Variants in MYO1H observed in about 807,000 individuals in gnomAD.
The protein encoded by MYO1H is myosin IH.
A neutral mutation model predicts 149.3 loss-of-function variants in MYO1H; 118 were observed. The ratio of observed to expected loss-of-function variants is 0.79; its 90% CI spans 0.68 to 0.92. The LOEUF (loss-of-function observed/expected upper bound fraction) is 0.92, where lower values mean the gene tolerates loss of function less well. MYO1H is among the 40% of genes least tolerant of loss of function. The pLI is 0.00. For missense variants in MYO1H, 1,212 were observed against 1,280.7 expected (o/e 0.95, Z 0.82); for synonymous variants, 447 against 465.2 (o/e 0.96, Z 0.50).
Position 109,443,052 on chromosome 12 carries a change from A to G in MYO1H, c.2689-462A>G, listed in dbSNP as rs372776336. The stretch of plus-strand genomic sequence containing the variant: ...TATGTGTGTGTGTGTGTGTGTATAT[A>G]TGTGTACGTATGTGTGTATATATGT... On this transcript the variant is annotated intron_variant, in intron 27 of 31. Coordinates refer to ENST00000310903, the Ensembl canonical transcript of MYO1H. 3.7e-3 allele frequency among the ~76,000 whole-genome samples: 163 copies of G among 43,850 alleles called. 2 individuals are homozygous for G. The highest frequency in any genetic ancestry group is 4.7e-3 in the Non-Finnish European group (94 of 19,814). 28.8% of individuals were successfully genotyped at this position (43,850 alleles called of 152,430 possible).
exon 18 of MYO1H, chr12:109,426,020 T>C: frequency 6.2e-7 from 1 of 1,613,802 alleles, no homozygotes; most frequent in Non-Finnish European, 8.5e-7. Flanking sequence ...CCTACATCCG[T>C]TGCATCAAGC....
chr12:109,425,928 T>TTC lies in MYO1H; in HGVS notation c.1726-6_1726-5dup. The TTC allele has an allele frequency of 9.3e-6, 13 of 1,404,096 alleles. No homozygotes were observed. The highest frequency in any genetic ancestry group is 1.4e-5 in the African/African-American group (1 of 69,742). 87.0% of individuals were successfully genotyped at this position (1,404,096 alleles called of 1,614,324 possible). The stretch of plus-strand genomic sequence containing the variant: ...TCTCTCTGGCTCGTTCTCTCTCTCT[T>TTC]TCTCTCTCTCTCTGCAGGTGGGGAC... On this transcript the variant is annotated splice_polypyrimidine_tract_variant and intron_variant, in intron 17 of 31. Coordinates refer to ENST00000310903, the Ensembl canonical transcript of MYO1H.
intron 1 of MYO1H, among the ~76,000 whole-genome samples, chr12:109,380,849 G>A (rs1869189209): frequency 6.6e-6 from 1 of 152,154 alleles, no homozygotes; most frequent in Admixed American, 6.5e-5. Flanking sequence ...GGGAGGCTGA[G>A]GCAGGAGAAT....
At chr12:109,392,412 A>G (rs1040868570) in intron 2 of MYO1H, among the ~76,000 whole-genome samples, 4 of 152,156 alleles carry the variant, frequency 2.6e-5, no homozygotes, top group African/African-American at 9.7e-5. Context: ...AGCTCTGCTC[A>G]GGTGTCACCT....
the MYO1H span, among the ~76,000 whole-genome samples, chr12:109,340,152 AT>A: frequency 6.6e-6 from 1 of 152,194 alleles, no homozygotes; most frequent in Non-Finnish European, 1.5e-5. Context: ...TACCTACAGT[AT>A]CACACACCTG....
chr12:109,362,020 G>A (rs907279897), intron 1 of MYO1H, among the ~76,000 whole-genome samples: 3 of 152,018 alleles, frequency 2.0e-5, no homozygotes, highest in African/African-American at 7.2e-5. Context: ...GCAGCCATGG[G>A]AGTCATTAAT....
chr12:109,402,659 A>C (rs1327198652), intron 6 of MYO1H, among the ~76,000 whole-genome samples: 5 of 152,192 alleles, frequency 3.3e-5, no homozygotes, highest in Non-Finnish European at 7.4e-5. Context: ...AAAAGAAAGA[A>C]TCTCATAATC....
intron 6 of MYO1H, among the ~76,000 whole-genome samples, chr12:109,403,722 A>T (rs531818647): frequency 1.3e-5 from 2 of 152,386 alleles, no homozygotes; most frequent in East Asian, 3.8e-4. Context: ...GTTTAAAAAC[A>T]CATACAAAAA....
chr12:109,438,469 T>C, intron 22 of MYO1H, 67 bp from the exon 23 acceptor site: 2 of 1,289,938 alleles, frequency 1.6e-6, no homozygotes, highest in South Asian at 1.3e-5. Context: ...CAAAGCCTTC[T>C]GGAAAAGCCT....
chr12:109,401,264 C>A (rs1275378430), exon 6 of MYO1H: 2 of 1,610,538 alleles, frequency 1.2e-6, no homozygotes, highest in Non-Finnish European at 1.7e-6. Context: ...GTATAAATAC[C>A]TCTCACAGGT....
chr12:109,323,818 C>A, the MYO1H span, among the ~76,000 whole-genome samples: 2 of 152,072 alleles, frequency 1.3e-5, no homozygotes, highest in African/African-American at 4.8e-5. Context: ...TAATAAACCA[C>A]CCCAAATTTA....
At chr12:109,344,880 G>T (rs1179257279), upstream of MYO1H, among the ~76,000 whole-genome samples, 2 of 152,146 alleles carry the variant, frequency 1.3e-5, no homozygotes, top group Non-Finnish European at 2.9e-5. Flanking sequence ...ATGGGGGAAA[G>T]AATAATTTTT....
At chr12:109,323,950 G>A in the MYO1H span, among the ~76,000 whole-genome samples, 643 of 152,036 alleles carry the variant, frequency 4.2e-3, 4 homozygotes, top group African/African-American at 0.014. Flanking sequence ...AAGCTGAGGC[G>A]GGAGGATTCC....
chr12:109,342,054 A>G, the MYO1H span, among the ~76,000 whole-genome samples: 11 of 149,974 alleles, frequency 7.3e-5, no homozygotes, highest in East Asian at 1.9e-3. Context: ...GCATTTAAAT[A>G]TTTATTTCAT....
chr12:109,403,257 T>A (rs572749195), intron 6 of MYO1H, among the ~76,000 whole-genome samples: 70 of 152,178 alleles, frequency 4.6e-4, no homozygotes, highest in Middle Eastern at 3.4e-3. Context: ...TAAAAAAAAA[T>A]TTTTATATCG....
chr12:109,371,866 C>T (rs551393390), intron 1 of MYO1H, among the ~76,000 whole-genome samples: 2 of 152,166 alleles, frequency 1.3e-5, no homozygotes, highest in African/African-American at 2.4e-5. Flanking sequence ...AAATGAAAAT[C>T]GTATCTCAGT....
chr12:109,436,023 G>T (rs964831272), intron 21 of MYO1H, among the ~76,000 whole-genome samples: 1 of 152,178 alleles, frequency 6.6e-6, no homozygotes, highest in Non-Finnish European at 1.5e-5. Flanking sequence ...CTGTGTGGAG[G>T]GGGTGGATGC....
chr12:109,411,820 C>A (rs1022839707), intron 13 of MYO1H, 74 bp from the exon 14 acceptor site: 1 of 1,053,172 alleles, frequency 9.5e-7, no homozygotes, highest in African/African-American at 1.6e-5. Context: ...TCTGTTCCAG[C>A]TGGTGAAAGC....
At chr12:109,358,335 A>C (rs916771169) in intron 1 of MYO1H, among the ~76,000 whole-genome samples, 6 of 152,132 alleles carry the variant, frequency 3.9e-5, no homozygotes, top group African/African-American at 1.4e-4. Context: ...AGGCAACCAC[A>C]GGATTCCGTG....
Sources: allele counts gnomAD v4.1 joint callset (sites outside exome capture counted in the v4.1 genomes callset), GRCh38; gene constraint gnomAD v4.1.1; transcripts MANE v1.5; gene names NCBI Gene and HGNC (gene_info 2026-07-23, HGNC 2026-07-21).